Variants in PTGS1 observed in about 807,000 individuals in gnomAD.
PTGS1 encodes the protein prostaglandin-endoperoxide synthase 1, also known as prostaglandin G/H synthase 1.
In PTGS1, 40 loss-of-function variants were observed where a neutral mutation model predicts 63.0. The observed-to-expected ratio is 0.63, with a 90% CI of 0.49 to 0.83. The LOEUF (loss-of-function observed/expected upper bound fraction) is 0.83, where lower values mean the gene tolerates loss of function less well. Among genes scored for constraint, PTGS1 ranks in the 40% least tolerant of loss-of-function variants. The pLI is 0.00. For synonymous variants in PTGS1, 298 were observed against 301.9 expected (o/e 0.99, Z 0.13); for missense variants, 709 against 786.5 (o/e 0.90, Z 1.18).
chr9:122,383,196 G>GTTTTT, intron 7 of PTGS1, among the ~76,000 whole-genome samples: 1 of 141,288 alleles, frequency 7.1e-6, no homozygotes, highest in Non-Finnish European at 1.5e-5. Flanking sequence ...TTTTTTTTAA[G>GTTTTT]TTTTTTTTTT....
chr9:122,377,643 C>T (rs1837255194), intron 2 of PTGS1, among the ~76,000 whole-genome samples: 1 of 152,110 alleles, frequency 6.6e-6, no homozygotes, highest in Non-Finnish European at 1.5e-5. Flanking sequence ...GGAGGGGGCG[C>T]TTCCCCTGGG....
Position 122,386,603 on chromosome 9 carries a change from C to G in PTGS1, c.1167C>G (p.Leu389=). 2 of 1,614,264 alleles carry G rather than the reference C, an allele frequency of 1.2e-6. No individual in the cohort carries two copies. Among genetic ancestry groups the G allele is most frequent in the Non-Finnish European group, 1.7e-6 (2 of 1,180,052 alleles). The change falls in exon 9 of 11, where the codon CTC becomes CTG. Residue 389 remains leucine, a synonymous_variant. Transcript: ENST00000362012. Reference sequence around the variant, plus strand: ...ACCATCTCTACCACTGGCACCCCCTCATGCCTGACTCCTTCAAGGTGGGCT... The same window carrying G: ...ACCATCTCTACCACTGGCACCCCCTGATGCCTGACTCCTTCAAGGTGGGCT... ...EFNHLYHWHP[L]MPDSFKVGSQ...
At position 122,386,496 on chromosome 9, in the gene PTGS1, T is replaced by A; in HGVS notation, c.1060T>A (p.Tyr354Asn). 6.2e-7 allele frequency: 1 copy of A among 1,614,214 alleles called. No homozygotes were observed. ...IEEYVQQLSGYFLQLKFDPEL... is the reference protein window; with the variant it reads ...IEEYVQQLSGNFLQLKFDPEL... ...GGAGTACGTGCAGCAGCTGAGTGGC[T>A]ATTTCCTGCAGCTGAAATTTGACCC... The change falls in exon 9 of 11, where the codon TAT (tyrosine) becomes AAT (asparagine). Residue 354 changes from tyrosine (Y) to asparagine (N), a missense_variant. Transcript: ENST00000362012.
At chr9:122,390,694 G>A (rs561974474) in intron 10 of PTGS1, among the ~76,000 whole-genome samples, 1 of 152,168 alleles carries the variant, frequency 6.6e-6, no homozygotes, top group African/African-American at 2.4e-5. Flanking sequence ...TCAGGAAATC[G>A]AGACCATCCT....
chr9:122,392,242 T>C lies in PTGS1; in HGVS notation c.1498T>C (p.Leu500=), dbSNP rs748628931. 6.2e-6 allele frequency: 10 copies of C among 1,608,062 alleles called. No homozygotes were observed. Among genetic ancestry groups the C allele is most frequent in the South Asian group, 5.5e-5 (5 of 90,946 alleles). ...GGAATTGTATGGAGACATTGATGCG[T>C]TGGAGTTCTACCCTGGACTGCTTCT... is the stretch of plus-strand genomic sequence containing the variant. ...LEELYGDIDA[L]EFYPGLLLEK... The change falls in exon 11 of 11, where the codon TTG becomes CTG. Residue 500 remains leucine (L), a synonymous_variant. Coordinates refer to ENST00000362012, the MANE Select transcript of PTGS1 (RefSeq NM_000962.4).
intron 2 of PTGS1, among the ~76,000 whole-genome samples, chr9:122,372,134 A>G (rs934434308): frequency 2.6e-5 from 4 of 152,174 alleles, no homozygotes; most frequent in African/African-American, 9.7e-5. Flanking sequence ...CCAGTTGGAT[A>G]TAGTTTCCTC....
chr9:122,384,989 G>A (rs1411577699), intron 8 of PTGS1, among the ~76,000 whole-genome samples: 1 of 152,142 alleles, frequency 6.6e-6, no homozygotes, highest in African/African-American at 2.4e-5. Context: ...ATGGAGTCTT[G>A]TTCTGTTGCC....
intron 2 of PTGS1, chr9:122,375,379 C>A: frequency 2.0e-6 from 2 of 985,486 alleles, no homozygotes; most frequent in Non-Finnish European, 2.4e-6. Context: ...GGGAGGCCTT[C>A]CGGCTCCACC....
intron 1 of PTGS1, 41 bp downstream of exon 1, chr9:122,371,132 C>T (rs1564127014): frequency 6.2e-7 from 1 of 1,606,744 alleles, no homozygotes; most frequent in Non-Finnish European, 8.5e-7. Context: ...TTTTCTTGGC[C>T]TCCTGGTGGA....
Position 122,378,553 on chromosome 9 carries a change from T to G in PTGS1, c.332T>G (p.Leu111Arg). ...FVNATFIREMLMRLVLTVRSN... is the reference protein window; with the variant it reads ...FVNATFIREMRMRLVLTVRSN... ...AATGCCACCTTCATCCGAGAGATGC[T>G]CATGCGCCTGGTACTCACAGGTGGG... The change falls in exon 4 of 11, where the codon CTC becomes CGC. Residue 111 changes from leucine (L) to arginine (R), a missense_variant. Transcript: ENST00000362012. 6.2e-7 allele frequency: 1 copy of G among 1,614,206 alleles called. No individual in the cohort carries two copies. The highest frequency in any genetic ancestry group is 8.5e-7 in the Non-Finnish European group (1 of 1,180,040).
intron 9 of PTGS1, among the ~76,000 whole-genome samples, chr9:122,389,362 G>A (rs1026850872): frequency 5.3e-5 from 8 of 151,822 alleles, no homozygotes; most frequent in Non-Finnish European, 1.2e-4. Context: ...TGTTGGCCAG[G>A]CTGGTCTTGA....
intron 2 of PTGS1, among the ~76,000 whole-genome samples, chr9:122,375,749 G>C (rs1373612955): frequency 6.6e-6 from 1 of 152,128 alleles, no homozygotes; most frequent in Admixed American, 6.5e-5. Flanking sequence ...TATTAAGGAG[G>C]CTAACAGCCT....
At chr9:122,370,790 G>A (rs1286859885), upstream of PTGS1, 7 of 587,612 alleles carry the variant, frequency 1.2e-5, no homozygotes, top group East Asian at 1.7e-4. Flanking sequence ...ATTGAGCATC[G>A]TCTCTGAGCC....
In PTGS1 at chr9:122,394,508, TG is replaced by T. The variant is rs1459820335; in HGVS notation, c.*1966del. 3 of 152,252 alleles carry T rather than the reference TG, an allele frequency of 2.0e-5. No homozygotes were observed. The highest frequency in any genetic ancestry group is 4.4e-5 in the Non-Finnish European group (3 of 68,076). The allele number at this position is 152,252 out of a possible 1,614,324, so 9.4% of individuals were successfully genotyped here. A position where few individuals can be genotyped will look rare whatever the true frequency, so the allele number is the denominator to read the frequency against. ...TGACGTAGAAAGATCCTTCGGGTGC[TG>T]GAAGTCTCCATGAAGAGCTTGTGTC... On this transcript the variant is annotated 3_prime_UTR_variant, in exon 11 of 11. Transcript: ENST00000362012.
chr9:122,386,437 C>T lies in PTGS1; in HGVS notation c.1010-9C>T, dbSNP rs1837877821. ...TGGCTGACCCTATTTCCAATCCTGC[C>T]CTGCCCAGGGGAGACCATCAAGATT... On this transcript the variant is annotated splice_polypyrimidine_tract_variant and intron_variant, in intron 8 of 10. Coordinates refer to ENST00000362012, the MANE Select transcript of PTGS1 (RefSeq NM_000962.4). The T allele has an allele frequency of 6.2e-7, 1 of 1,613,346 alleles. No individual in the cohort carries two copies. The highest frequency in any genetic ancestry group is 8.5e-7 in the Non-Finnish European group (1 of 1,179,332).
intron 9 of PTGS1, among the ~76,000 whole-genome samples, chr9:122,389,438 AC>A (rs1216484452): frequency 2.0e-5 from 3 of 151,770 alleles, no homozygotes; most frequent in African/African-American, 7.3e-5. Flanking sequence ...GGCACAAGCC[AC>A]TGTGCCTGGT....
chr9:122,392,926 C>A lies in PTGS1; in HGVS notation c.*382C>A, dbSNP rs1319791166. 1 of 179,536 alleles carries A rather than the reference C, an allele frequency of 5.6e-6. No individual in the cohort carries two copies. The highest frequency in any genetic ancestry group is 1.2e-5 in the Non-Finnish European group (1 of 83,962). The allele number at this position is 179,536 out of a possible 1,614,324, so 11.1% of individuals were successfully genotyped here. ...CTTATTTTGCATTCCAGAATCTTGA[C>A]TTTCTGATTGGTGATTCAAAGTGTT... is the stretch of plus-strand genomic sequence containing the variant. On this transcript the variant is annotated 3_prime_UTR_variant, in exon 11 of 11. Transcript: ENST00000362012.
rs575538701 is a variant in PTGS1, at chr9:122,378,552, C to T, written c.331C>T (p.Leu111Phe). The change falls in exon 4 of 11, where the codon CTC becomes TTC. Residue 111 changes from leucine (L) to phenylalanine (F), a missense_variant. Coordinates refer to ENST00000362012, the MANE Select transcript of PTGS1 (RefSeq NM_000962.4). ...FVNATFIREMLMRLVLTVRSN... is the reference protein window; with the variant it reads ...FVNATFIREMFMRLVLTVRSN... ...CAATGCCACCTTCATCCGAGAGATG[C>T]TCATGCGCCTGGTACTCACAGGTGG... 6.2e-7 allele frequency: 1 copy of T among 1,614,262 alleles called. No individual in the cohort carries two copies. The highest frequency in any genetic ancestry group is 1.1e-5 in the South Asian group (1 of 91,092).
In PTGS1 at chr9:122,382,614, T is replaced by C. The variant is rs541189064; in HGVS notation, c.762+867T>C. 5.3e-5 allele frequency among the ~76,000 whole-genome samples: 8 copies of C among 152,358 alleles called. No individual in the cohort carries two copies. In the East Asian group the frequency reaches 9.6e-4, roughly 18 times the overall value. The stretch of plus-strand genomic sequence containing the variant: ...GTAACATTCAGTTCTTCATTCACAC[T>C]AGCCAAATTTCTAGTGCTCAGTAGC... On this transcript the variant is annotated intron_variant, in intron 7 of 10. Coordinates refer to ENST00000362012, the MANE Select transcript of PTGS1 (RefSeq NM_000962.4).
Sources: gnomAD v4.1 joint callset for allele counts (sites outside exome capture counted in the v4.1 genomes callset) on GRCh38, gnomAD v4.1.1 for gene constraint, MANE v1.5 for transcripts, NCBI Gene and HGNC (gene_info 2026-07-23, HGNC 2026-07-21) for gene names.